FTO: variants seen among roughly 807,000 people sequenced by gnomAD.
FTO encodes alpha-ketoglutarate-dependent dioxygenase FTO.
A neutral mutation model predicts 63.9 loss-of-function variants in FTO; 47 were observed. The ratio of observed to expected loss-of-function variants is 0.74; its 90% CI spans 0.58 to 0.94. The LOEUF (loss-of-function observed/expected upper bound fraction) is 0.94. Among genes scored for constraint, FTO ranks in the 40% least tolerant of loss-of-function variants. The probability of loss-of-function intolerance (pLI) is 0.00; values close to 1 mark genes in which losing one functional copy is unlikely to be tolerated. For missense variants in FTO, 562 were observed against 618.1 expected (o/e 0.91, Z 0.96); for synonymous variants, 207 against 224.4 (o/e 0.92, Z 0.69).
chr16:53,916,475 C>T (rs1348308654), intron 7 of FTO, among the ~76,000 whole-genome samples: 1 of 152,078 alleles, frequency 6.6e-6, no homozygotes, highest in Non-Finnish European at 1.5e-5. Flanking sequence ...AAATCTTGTT[C>T]CTATAAACGT....
chr16:53,768,851 G>A (rs1042052787), intron 1 of FTO, among the ~76,000 whole-genome samples: 23 of 152,064 alleles, frequency 1.5e-4, no homozygotes, highest in Admixed American at 1.3e-3. Context: ...TCAAGTGTGC[G>A]TTTGGTCACA....
intron 7 of FTO, among the ~76,000 whole-genome samples, chr16:53,907,507 A>G (rs749754471): frequency 6.6e-6 from 1 of 152,208 alleles, no homozygotes; most frequent in Admixed American, 6.5e-5. Flanking sequence ...TGCAAAATTC[A>G]AAGTATGGTT....
intron 1 of FTO, among the ~76,000 whole-genome samples, chr16:53,715,283 C>A (rs1270010168): frequency 6.6e-6 from 1 of 152,150 alleles, no homozygotes; most frequent in African/African-American, 2.4e-5. Context: ...GAGTGTCTGT[C>A]TTGCTGAGTT....
chr16:53,776,802 A>G (rs1458639732), intron 1 of FTO, among the ~76,000 whole-genome samples: 1 of 152,186 alleles, frequency 6.6e-6, no homozygotes, highest in Non-Finnish European at 1.5e-5. Flanking sequence ...TGGTTGAAGT[A>G]TATGAACAAA....
chr16:53,956,146 A>T (rs971649812), intron 8 of FTO, among the ~76,000 whole-genome samples: 5 of 152,200 alleles, frequency 3.3e-5, no homozygotes, highest in African/African-American at 9.6e-5. Context: ...AAAGTTAAAG[A>T]TAACTATTGA....
chr16:53,957,254 C>T (rs535320154), intron 8 of FTO, among the ~76,000 whole-genome samples: 7 of 152,266 alleles, frequency 4.6e-5, no homozygotes, highest in African/African-American at 7.2e-5. Flanking sequence ...AATTAAACCA[C>T]GATTTGACAG....
rs1390323763 is a variant in FTO, at chr16:54,118,912, C to T, written c.*6997C>T. On this transcript the variant is annotated 3_prime_UTR_variant, in exon 9 of 9. Transcript: ENST00000471389. ...CCAAGGGAGAGAAATTATTATTATT[C>T]GTTTTGTGAAACCAATTTAGTTTGG... 2.6e-5 allele frequency: 4 copies of T among 152,284 alleles called. No individual in the cohort carries two copies. The highest frequency in any genetic ancestry group is 2.1e-4 in the South Asian group (1 of 4,830). The allele number at this position is 152,284 out of a possible 1,614,324, so 9.4% of individuals were successfully genotyped here.
rs1365856001 is a variant in FTO at position 54,049,515 on chromosome 16, A to G, written c.1365-62247A>G. Among the ~76,000 whole-genome samples, 8 of 152,340 alleles carry G rather than the reference A, an allele frequency of 5.3e-5. No individual in the cohort carries two copies. The South Asian group carries it at 1.4e-3, about 28-fold the overall frequency. ...ATTTTCATTTTCAATTAGGAATACAATTAAATTCAAAGTGGTGAGGGGGGG... is the reference window on the plus strand; with the variant it reads ...ATTTTCATTTTCAATTAGGAATACAGTTAAATTCAAAGTGGTGAGGGGGGG... On this transcript the variant is annotated intron_variant, in intron 8 of 8. Transcript: ENST00000471389.
At chr16:54,085,784 C>T (rs2086243253) in intron 8 of FTO, among the ~76,000 whole-genome samples, 1 of 152,160 alleles carries the variant, frequency 6.6e-6, no homozygotes, top group Non-Finnish European at 1.5e-5. Flanking sequence ...TACCCTCCGA[C>T]TCGTCTCGCT....
intron 3 of FTO, among the ~76,000 whole-genome samples, chr16:53,832,115 A>C (rs1462183214): frequency 6.6e-6 from 1 of 152,182 alleles, no homozygotes; most frequent in Non-Finnish European, 1.5e-5. Context: ...GTAACTTTTT[A>C]CCAACAAAGA....
At chr16:53,821,577 C>T (rs1460809593) in intron 2 of FTO, among the ~76,000 whole-genome samples, 1 of 152,202 alleles carries the variant, frequency 6.6e-6, no homozygotes, top group African/African-American at 2.4e-5. Flanking sequence ...ATCTCAATGA[C>T]AATCCATAGT....
Position 53,726,228 on chromosome 16 carries a change from A to G in FTO, c.45+21999A>G, listed in dbSNP as rs183417420. Among the ~76,000 whole-genome samples, 37 of 152,346 alleles carry G rather than the reference A, an allele frequency of 2.4e-4. No individual in the cohort carries two copies. The East Asian group carries it at 4.8e-3, about 20-fold the overall frequency. ...TGAACTACTGTGTACCTAAAGTTAC[A>G]TTATTTTTCATTAAATAAAATTCTA... On this transcript the variant is annotated intron_variant, in intron 1 of 8. Transcript: ENST00000471389.
intron 8 of FTO, among the ~76,000 whole-genome samples, chr16:54,053,996 C>A (rs2085371581): frequency 6.6e-6 from 1 of 152,082 alleles, no homozygotes; most frequent in African/African-American, 2.4e-5. Context: ...ATTCCCCGTG[C>A]ACTTAGATCC....
intron 2 of FTO, among the ~76,000 whole-genome samples, chr16:53,825,357 G>T (rs2078975532): frequency 6.6e-6 from 1 of 152,172 alleles, no homozygotes; most frequent in South Asian, 2.1e-4. Flanking sequence ...TGCCAGCTGT[G>T]TGACTTTGGG....
intron 8 of FTO, among the ~76,000 whole-genome samples, chr16:54,067,184 C>T (rs1317935301): frequency 6.8e-6 from 1 of 146,652 alleles, no homozygotes; most frequent in Non-Finnish European, 1.5e-5. Context: ...AAAAAAAAAA[C>T]TTTGCCTATG....
At chr16:53,890,751 C>G (rs1257921348) in intron 7 of FTO, among the ~76,000 whole-genome samples, 2 of 152,134 alleles carry the variant, frequency 1.3e-5, no homozygotes, top group African/African-American at 2.4e-5. Flanking sequence ...AGTTCTGTTC[C>G]TAAACTAAGC....
At chr16:54,054,038 T>C (rs1007728936) in intron 8 of FTO, among the ~76,000 whole-genome samples, 1 of 152,082 alleles carries the variant, frequency 6.6e-6, no homozygotes, top group Non-Finnish European at 1.5e-5. Flanking sequence ...TTGAACACTT[T>C]CTGCAGTTTA....
At chr16:54,077,046 A>C (rs1160635828) in intron 8 of FTO, among the ~76,000 whole-genome samples, 1 of 152,218 alleles carries the variant, frequency 6.6e-6, no homozygotes, top group Middle Eastern at 3.2e-3. Flanking sequence ...GAGCGTCATT[A>C]TTATATCATA....
chr16:53,970,461 G>A (rs1769011718), intron 8 of FTO, among the ~76,000 whole-genome samples: 1 of 151,720 alleles, frequency 6.6e-6, no homozygotes, highest in Admixed American at 6.6e-5. Flanking sequence ...GTGGTGGTGG[G>A]CGCCTATAAT....
Sources: gnomAD v4.1 joint callset for allele counts (sites outside exome capture counted in the v4.1 genomes callset) on GRCh38, gnomAD v4.1.1 for gene constraint, MANE v1.5 for transcripts, NCBI Gene and HGNC (gene_info 2026-07-23, HGNC 2026-07-21) for gene names.